KCNC2: variants seen among roughly 807,000 people sequenced by gnomAD.
The protein encoded by KCNC2 is voltage-gated potassium channel KCNC2.
KCNC2 carries 21 observed loss-of-function variants against 44.5 expected under a neutral mutation model. The ratio of observed to expected loss-of-function variants is 0.47; its 90% CI spans 0.33 to 0.68. KCNC2 has a LOEUF of 0.68. Ranked by LOEUF, KCNC2 falls within the 30% of genes least tolerant of loss-of-function variation. The probability of loss-of-function intolerance (pLI) is 0.01; values close to 1 mark genes in which losing one functional copy is unlikely to be tolerated. For synonymous variants in KCNC2, 391 were observed against 339.1 expected, an observed-to-expected ratio of 1.15 and a Z score of -1.68; for missense variants, 589 against 826.2, an observed-to-expected ratio of 0.71 and a Z score of 3.52.
chr12:75,189,829 T>C (rs879699692), intron 2 of KCNC2, among the ~76,000 whole-genome samples: 4 of 152,202 alleles, frequency 2.6e-5, no homozygotes, highest in Non-Finnish European at 2.9e-5. Context: ...AGCTGCGCTC[T>C]GCAACTTATT....
intron 2 of KCNC2, among the ~76,000 whole-genome samples, chr12:75,150,133 C>T (rs1205371361): frequency 1.3e-5 from 2 of 151,758 alleles, no homozygotes; most frequent in African/African-American, 2.4e-5. Flanking sequence ...ATACATATTC[C>T]TATACAAGCT....
At chr12:75,074,165 T>C (rs1883684865) in intron 2 of KCNC2, among the ~76,000 whole-genome samples, 1 of 150,978 alleles carries the variant, frequency 6.6e-6, no homozygotes, top group African/African-American at 2.4e-5. Flanking sequence ...TCTATTACAG[T>C]ACTAGTCAGA....
At chr12:75,055,957 C>T (rs1881703272) in intron 2 of KCNC2, among the ~76,000 whole-genome samples, 1 of 152,052 alleles carries the variant, frequency 6.6e-6, no homozygotes, top group African/African-American at 2.4e-5. Context: ...AACATATTCA[C>T]AAATGCTTAT....
At chr12:75,081,697 T>A (rs1265002869) in intron 2 of KCNC2, among the ~76,000 whole-genome samples, 3 of 151,978 alleles carry the variant, frequency 2.0e-5, no homozygotes, top group Non-Finnish European at 4.4e-5. Context: ...TATGTAATAA[T>A]TTGAAAATAG....
intron 2 of KCNC2, among the ~76,000 whole-genome samples, chr12:75,130,871 CA>C (rs1888794449): frequency 1.3e-5 from 2 of 151,808 alleles, no homozygotes; most frequent in Non-Finnish European, 2.9e-5. Flanking sequence ...CCCTGTAATC[CA>C]TATCAGCTCA....
chr12:75,208,077 C>A, intron 1 of KCNC2, 75 bp from the exon 2 acceptor site: 1 of 1,555,190 alleles, frequency 6.4e-7, no homozygotes, highest in Non-Finnish European at 8.7e-7. Flanking sequence ...CACCACCAAC[C>A]CAGAGCGAGT....
At chr12:75,155,789 G>A (rs1320667452) in intron 2 of KCNC2, among the ~76,000 whole-genome samples, 1 of 151,584 alleles carries the variant, frequency 6.6e-6, no homozygotes, top group Non-Finnish European at 1.5e-5. Context: ...ACAAGGTTAA[G>A]GAAGTGCAAA....
At chr12:75,098,405 T>A (rs886915014) in intron 2 of KCNC2, among the ~76,000 whole-genome samples, 1 of 152,166 alleles carries the variant, frequency 6.6e-6, no homozygotes. Flanking sequence ...TCAAACATTC[T>A]AAACCTACTG....
chr12:75,207,447 G>A lies in KCNC2; in HGVS notation c.537C>T (p.Pro179=), dbSNP rs749375642. ...FETPDLIGGD[P]GDDEDLAAKR... is the part of the protein sequence containing the mutation. ...TGGCCGCCAGGTCCTCGTCGTCGCC[G>A]GGGTCGCCGCCAATGAGGTCGGGGG... Residue 179 remains proline, a synonymous_variant, in exon 2 of 5, where the codon CCC becomes CCT. Coordinates refer to ENST00000549446, the MANE Select transcript of KCNC2 (RefSeq NM_139137.4). The surrounding 1 kb of genome is among the most constrained non-coding windows in gnomAD (Gnocchi z 4.1). The A allele has an allele frequency of 6.2e-7, 1 of 1,609,658 alleles. No homozygotes were observed. Among genetic ancestry groups the A allele is most frequent in the Non-Finnish European group, 8.5e-7 (1 of 1,178,370 alleles).
At chr12:75,181,073 C>T (rs918968712) in intron 2 of KCNC2, among the ~76,000 whole-genome samples, 1 of 152,066 alleles carries the variant, frequency 6.6e-6, no homozygotes, top group Non-Finnish European at 1.5e-5. Context: ...GGACAATCTT[C>T]AATCTCTAAG....
chr12:75,080,627 T>A (rs916264781), intron 2 of KCNC2, among the ~76,000 whole-genome samples: 6 of 152,100 alleles, frequency 3.9e-5, no homozygotes, highest in African/African-American at 1.4e-4. Flanking sequence ...CAGACCTATT[T>A]TCAAGATGTT....
At chr12:75,182,556 A>C (rs1030801588) in intron 2 of KCNC2, among the ~76,000 whole-genome samples, 4 of 151,386 alleles carry the variant, frequency 2.6e-5, no homozygotes, top group African/African-American at 7.3e-5. Flanking sequence ...ACAAAAAAAA[A>C]CAAACAGAAA....
chr12:75,059,987 G>A (rs888034152), intron 2 of KCNC2, among the ~76,000 whole-genome samples: 1 of 152,006 alleles, frequency 6.6e-6, no homozygotes, highest in Admixed American at 6.6e-5. Flanking sequence ...TTTTCTTGGC[G>A]TTTTATAATA....
chr12:75,111,483 A>G (rs1443862172), intron 2 of KCNC2, among the ~76,000 whole-genome samples: 4 of 152,122 alleles, frequency 2.6e-5, no homozygotes, highest in Non-Finnish European at 5.9e-5. Flanking sequence ...TCTCTAAAGA[A>G]TATGCCAAAG....
intron 2 of KCNC2, among the ~76,000 whole-genome samples, chr12:75,206,826 A>G (rs754480141): frequency 2.0e-5 from 3 of 152,190 alleles, no homozygotes; most frequent in Non-Finnish European, 4.4e-5. Context: ...CTCTGTCCTC[A>G]GATTCAACCC....
intron 2 of KCNC2, among the ~76,000 whole-genome samples, chr12:75,187,878 C>T (rs2029868095): frequency 1.3e-5 from 2 of 152,104 alleles, no homozygotes; most frequent in African/African-American, 2.4e-5. Flanking sequence ...CTGAGTTTTC[C>T]TCAGAGTATT....
chr12:75,159,063 A>G (rs1339414300), intron 2 of KCNC2, among the ~76,000 whole-genome samples: 1 of 150,766 alleles, frequency 6.6e-6, no homozygotes, highest in African/African-American at 2.4e-5. Flanking sequence ...GTGGGAGCTG[A>G]AAAATGAGAA....
chr12:75,152,514 A>G lies in KCNC2; in HGVS notation c.687+54783T>C, dbSNP rs564456883. Among the ~76,000 whole-genome samples the G allele has an allele frequency of 3.6e-4, 55 of 152,080 alleles. 2 individuals carry two copies. In the South Asian group the frequency reaches 0.011, roughly 30 times the overall value. On this transcript the variant is annotated intron_variant, in intron 2 of 4. Coordinates refer to ENST00000549446, the MANE Select transcript of KCNC2 (RefSeq NM_139137.4). The stretch of plus-strand genomic sequence containing the variant: ...AGTGATTATTAAGAGTTAATGAAAA[A>G]CATTCTCACTAAAGGAAATTTTTAT...
chr12:75,059,672 A>G (rs1324533787), intron 2 of KCNC2, among the ~76,000 whole-genome samples: 2 of 152,128 alleles, frequency 1.3e-5, no homozygotes, highest in East Asian at 3.9e-4. Context: ...GACTAACAGG[A>G]CAAACTAGTG....
Sources: allele counts gnomAD v4.1 joint callset (sites outside exome capture counted in the v4.1 genomes callset), GRCh38; gene constraint gnomAD v4.1.1; non-coding constraint Gnocchi (gnomAD v3.1); transcripts MANE v1.5; gene names NCBI Gene and HGNC (gene_info 2026-07-23, HGNC 2026-07-21).